Variants in WNK2 observed in about 807,000 individuals in gnomAD.
WNK2 encodes the protein WNK lysine deficient protein kinase 2, also known as serine/threonine-protein kinase WNK2.
A neutral mutation model predicts 192.1 loss-of-function variants in WNK2; 67 were observed. The ratio of observed to expected loss-of-function variants is 0.35; its 90% CI spans 0.29 to 0.43. The LOEUF (loss-of-function observed/expected upper bound fraction) is 0.43, where lower values mean the gene tolerates loss of function less well. WNK2 is among the 20% of genes least tolerant of loss of function. WNK2 has a pLI of 1.00. For synonymous variants in WNK2, 1,439 were observed against 1,393.9 expected, an observed-to-expected ratio of 1.03 and a Z score of -0.72; for missense variants, 2,698 against 3,089.7, an observed-to-expected ratio of 0.87 and a Z score of 3.01.
At chr9:93,318,311 C>T in intron 29 of WNK2, 1 of 1,537,044 alleles carries the variant, frequency 6.5e-7, no homozygotes, top group Non-Finnish European at 8.7e-7. Context: ...CTTTTACAAA[C>T]ATTGAATTAG....
At chr9:93,263,806 G>A (rs1455053602) in intron 15 of WNK2, 72 bp downstream of exon 15, 10 of 484,810 alleles carry the variant, frequency 2.1e-5, no homozygotes, top group East Asian at 3.8e-5. Flanking sequence ...GGGTGGGGCC[G>A]TGGCGGGGGT....
chr9:93,312,407 A>T (rs1001016774), intron 28 of WNK2, among the ~76,000 whole-genome samples: 2 of 151,472 alleles, frequency 1.3e-5, no homozygotes, highest in African/African-American at 4.9e-5. Context: ...ATTGTGTCTC[A>T]CTCTGTCGCC....
At chr9:93,202,015 CG>C (rs951374011) in intron 2 of WNK2, among the ~76,000 whole-genome samples, 74 of 152,352 alleles carry the variant, frequency 4.9e-4, no homozygotes, top group African/African-American at 1.5e-3. Flanking sequence ...CAGGCTGGGC[CG>C]GTGAGGGTTG....
intron 2 of WNK2, among the ~76,000 whole-genome samples, chr9:93,220,566 C>T (rs1000548780): frequency 1.3e-5 from 2 of 152,088 alleles, no homozygotes; most frequent in African/African-American, 2.4e-5. Flanking sequence ...AACTGGATGG[C>T]GTGTCACTGC....
chr9:93,288,692 T>C (rs1848831192), intron 19 of WNK2, 96 bp from the exon 20 acceptor site: 2 of 1,262,804 alleles, frequency 1.6e-6, no homozygotes, highest in East Asian at 2.6e-5. Flanking sequence ...GCTGGGGCCA[T>C]GGCCAGCTGT....
rs148525339 is a variant in WNK2, at chr9:93,308,573, G to A, written c.6505G>A (p.Glu2169Lys). ...EAQAGWAAPG[E>K]ARAMTAPRAG... is the part of the protein sequence containing the mutation. ...CCAGGCAGGCTGGGCTGCCCCTGGC[G>A]AGGCGCGGGCTGTGAGTGCGGGGCG... Residue 2169 changes from glutamate (E) to lysine (K), a missense_variant, in exon 28 of 30, where the codon GAG becomes AAG. Glu to Lys is a moderately conservative substitution (Grantham distance 56). Transcript: ENST00000427277. 8.8e-6 allele frequency: 14 copies of A among 1,584,650 alleles called. No homozygotes were observed. Among genetic ancestry groups the A allele is most frequent in the African/African-American group, 1.3e-5 (1 of 74,572 alleles).
intron 2 of WNK2, 57 bp downstream of exon 2, chr9:93,185,667 C>T (rs967238166): frequency 2.6e-6 from 4 of 1,555,092 alleles, no homozygotes; most frequent in African/African-American, 2.7e-5. Flanking sequence ...CGAGTGCGTC[C>T]TTGGGCCTGT....
At chr9:93,226,278 G>A (rs987377426) in intron 2 of WNK2, among the ~76,000 whole-genome samples, 2 of 152,136 alleles carry the variant, frequency 1.3e-5, no homozygotes, top group African/African-American at 4.8e-5. Flanking sequence ...CTTCTAAATC[G>A]TTCTCCTTCC....
At chr9:93,199,899 C>CAA (rs59582411) in intron 2 of WNK2, among the ~76,000 whole-genome samples, 1 of 107,746 alleles carries the variant, frequency 9.3e-6, no homozygotes, top group Admixed American at 1.1e-4. Flanking sequence ...CTCTTTGTCT[C>CAA]AAAAAAAAAA....
At chr9:93,269,005 T>G in intron 19 of WNK2, 1 of 1,480,258 alleles carries the variant, frequency 6.8e-7, no homozygotes, top group Non-Finnish European at 9.2e-7. Context: ...GCCATATAGG[T>G]GTGTGTTGAA....
rs933070414 is a variant in WNK2, at chr9:93,318,158, G to T, written c.6628+527G>T. On this transcript the variant is annotated intron_variant, in intron 29 of 29. Coordinates refer to ENST00000427277, the MANE Select transcript of WNK2 (RefSeq NM_006648.4). ...TTTCCGTTCCCTGATGAAAAGATAT[G>T]TTAAAAAAAATTATCGGAAAAGGTT... is the stretch of plus-strand genomic sequence containing the variant. The T allele has an allele frequency of 4.6e-6, 7 of 1,506,848 alleles. No homozygotes were observed. The African/African-American group carries it at 8.4e-5, about 18-fold the overall frequency. The allele number at this position is 1,506,848 out of a possible 1,614,324, so 93.3% of individuals were successfully genotyped here. A position where few individuals can be genotyped will look rare whatever the true frequency, so the allele number is the denominator to read the frequency against.
chr9:93,192,560 G>T lies in WNK2; in HGVS notation c.681+6950G>T, dbSNP rs114451274. 7.0e-3 allele frequency among the ~76,000 whole-genome samples: 1,063 copies of T among 152,136 alleles called. 15 individuals are homozygous for T. The highest frequency in any genetic ancestry group is 0.024 in the African/African-American group (1,014 of 41,484). On this transcript the variant is annotated intron_variant, in intron 2 of 29. Coordinates refer to ENST00000427277, the MANE Select transcript of WNK2 (RefSeq NM_006648.4). ...CCTGGGTAGGCACCCCAGGAGTGCA[G>T]GGATGGGCCAGGACTGTGTCTCGGG...
chr9:93,238,056 T>C (rs1392879931), intron 5 of WNK2, among the ~76,000 whole-genome samples, 177 bp from the exon 6 acceptor site: 1 of 152,156 alleles, frequency 6.6e-6, no homozygotes, highest in African/African-American at 2.4e-5. Context: ...GAGCCCGCAT[T>C]TGGCTCTGCC....
chr9:93,308,150 C>A, intron 27 of WNK2, 178 bp from the exon 28 acceptor site: 1 of 1,298,104 alleles, frequency 7.7e-7, no homozygotes, highest in Non-Finnish European at 1.0e-6. Context: ...AAATGCCCCA[C>A]CATGTCTGAC....
chr9:93,268,082 C>T lies in WNK2; in HGVS notation c.3913+17C>T, dbSNP rs747111825. ...AGCAGAACGGTGAGTCTGCAACTTCCCTCCCTGCTTTTAAGCAGGCGTTTG... is the reference window on the plus strand; with the variant it reads ...AGCAGAACGGTGAGTCTGCAACTTCTCTCCCTGCTTTTAAGCAGGCGTTTG... On this transcript the variant is annotated intron_variant, in intron 18 of 29. Coordinates refer to ENST00000427277, the MANE Select transcript of WNK2 (RefSeq NM_006648.4). 2 of 1,604,964 alleles carry T rather than the reference C, an allele frequency of 1.2e-6. No individual in the cohort carries two copies. Among genetic ancestry groups the T allele is most frequent in the South Asian group, 1.1e-5 (1 of 89,102 alleles).
At chr9:93,249,832 A>G (rs552737022) in intron 8 of WNK2, among the ~76,000 whole-genome samples, 2 of 150,518 alleles carry the variant, frequency 1.3e-5, no homozygotes, top group South Asian at 4.2e-4. Flanking sequence ...ATATAGCCAC[A>G]TGGTGTCAAA....
Position 93,288,819 on chromosome 9 carries a change from G to A in WNK2, c.4065G>A (p.Ser1355=), listed in dbSNP as rs777481578. The A allele has an allele frequency of 6.2e-6, 10 of 1,612,000 alleles. No homozygotes were observed. The highest frequency in any genetic ancestry group is 3.3e-5 in the Admixed American group (2 of 59,920). ...DSAPYKDQLS[S]KEQPSFLASQ... is the part of the protein sequence containing the mutation. ...CGCCCTATAAAGACCAGCTGTCCTCGAAGGAACAACCCAGCTTTCTAGCCA... is the reference window on the plus strand; with the variant it reads ...CGCCCTATAAAGACCAGCTGTCCTCAAAGGAACAACCCAGCTTTCTAGCCA... The change falls in exon 20 of 30, where the codon TCG becomes TCA. Residue 1355 remains serine, a synonymous_variant. Transcript: ENST00000427277.
intron 5 of WNK2, among the ~76,000 whole-genome samples, chr9:93,237,383 C>A (rs1839997685): frequency 6.6e-6 from 1 of 152,210 alleles, no homozygotes; most frequent in Admixed American, 6.5e-5. Flanking sequence ...TCTTTCTCTG[C>A]TGCATCACAT....
chr9:93,195,126 G>C (rs1564271059), intron 2 of WNK2, among the ~76,000 whole-genome samples: 1 of 152,108 alleles, frequency 6.6e-6, no homozygotes, highest in Non-Finnish European at 1.5e-5. Flanking sequence ...TACTTTACTG[G>C]TGAATACATG....
Sources: gnomAD v4.1 joint callset for allele counts (sites outside exome capture counted in the v4.1 genomes callset) on GRCh38, gnomAD v4.1.1 for gene constraint, MANE v1.5 for transcripts, NCBI Gene and HGNC (gene_info 2026-07-23, HGNC 2026-07-21) for gene names.